Variants in NPSR1 observed in about 807,000 individuals in gnomAD.
NPSR1 encodes the protein neuropeptide S receptor 1, also known as neuropeptide S receptor.
Under a neutral mutation model 46.9 loss-of-function variants are expected in NPSR1, and 48 were observed. The ratio of observed to expected loss-of-function variants is 1.02; its 90% CI spans 0.81 to 1.30. The LOEUF is 1.30. Among genes scored for constraint, NPSR1 ranks in the 50% most tolerant of loss-of-function variants. The pLI, the probability that NPSR1 is intolerant of heterozygous loss-of-function variation, is 0.00. For missense variants in NPSR1, 450 were observed against 449.5 expected (o/e 1.00, Z -0.01); for synonymous variants, 176 against 168.1 (o/e 1.05, Z -0.36).
chr7:34,853,227 G>A (rs1416040699), downstream of NPSR1, among the ~76,000 whole-genome samples: 1 of 152,172 alleles, frequency 6.6e-6, no homozygotes, highest in Non-Finnish European at 1.5e-5. Flanking sequence ...ACAAGCCTGA[G>A]TCTGAGAGAA....
rs1218380620 is a variant in NPSR1, at chr7:34,870,898, GGATGAATGGATGGATGGATA to G, written c.1026-7173_1026-7154del. Among the ~76,000 whole-genome samples, 88 of 149,850 alleles carry G rather than the reference GGATGAATGGATGGATGGATA, an allele frequency of 5.9e-4. 5 individuals are homozygous for G. Among genetic ancestry groups the G allele is most frequent in the African/African-American group, 2.1e-3 (85 of 39,656 alleles). ...TGGATGGATGGATGGATGGATGGATGGATGAATGGATGGATGGATAGATGGATGGATGGATAGATGGATGG... is the reference window on the plus strand; with the variant it reads ...TGGATGGATGGATGGATGGATGGATGGATGGATGGATGGATAGATGGATGG... On this transcript the variant is annotated intron_variant, in intron 8 of 8. Transcript: ENST00000359791.
intron 3 of NPSR1, among the ~76,000 whole-genome samples, chr7:34,792,703 A>ATATATATTTATATATATG (rs1584036048): frequency 1.2e-4 from 11 of 88,564 alleles, no homozygotes; most frequent in African/African-American, 4.2e-4. Flanking sequence ...ATATATACGT[A>ATATATATTTATATATATG]TATATATATA....
At chr7:34,666,333 C>T (rs927179631) in intron 1 of NPSR1, among the ~76,000 whole-genome samples, 7 of 152,144 alleles carry the variant, frequency 4.6e-5, no homozygotes, top group African/African-American at 1.7e-4. Flanking sequence ...TAGTTTCAAC[C>T]TCCTCCTCAC....
rs150392419 is a variant in NPSR1 at position 34,733,203 on chromosome 7, C to T, written c.281-45259C>T. Among the ~76,000 whole-genome samples the T allele has an allele frequency of 1.4e-4, 21 of 152,064 alleles. 1 individual carries two copies. In the East Asian group the frequency reaches 4.1e-3, roughly 29 times the overall value. On this transcript the variant is annotated intron_variant, in intron 2 of 8. Transcript: ENST00000360581. Reference sequence around the variant, plus strand: ...TTGGGAAGCCACAGTGGGTGGATCACGAGGTCAGGAGTTCAAGACCAGCCT... The same window carrying T: ...TTGGGAAGCCACAGTGGGTGGATCATGAGGTCAGGAGTTCAAGACCAGCCT...
intron 1 of NPSR1, among the ~76,000 whole-genome samples, chr7:34,684,062 T>C (rs1792795560): frequency 6.9e-6 from 1 of 145,530 alleles, no homozygotes. Flanking sequence ...ATACCCAGTA[T>C]ATGATTTTAT....
At chr7:34,860,657 A>G (rs1480452777) in intron 8 of NPSR1, among the ~76,000 whole-genome samples, 2 of 152,064 alleles carry the variant, frequency 1.3e-5, no homozygotes, top group East Asian at 1.9e-4. Flanking sequence ...GTGGTCAGAA[A>G]AAAAGTATTT....
intron 8 of NPSR1, among the ~76,000 whole-genome samples, chr7:34,859,340 G>T: frequency 6.6e-6 from 1 of 151,556 alleles, no homozygotes; most frequent in East Asian, 1.9e-4. Flanking sequence ...TTTTGCTCCT[G>T]GTTTCCCACT....
chr7:34,733,317 G>A (rs1204681527), intron 2 of NPSR1, among the ~76,000 whole-genome samples: 3 of 151,958 alleles, frequency 2.0e-5, no homozygotes, highest in Non-Finnish European at 4.4e-5. Context: ...CTACTGGGAG[G>A]CTAAGGCAGG....
At chr7:34,764,964 GC>G (rs1786361706) in intron 2 of NPSR1, among the ~76,000 whole-genome samples, 1 of 152,140 alleles carries the variant, frequency 6.6e-6, no homozygotes, top group Admixed American at 6.5e-5. Flanking sequence ...ACAAGCAGTA[GC>G]AGTATTACAG....
At chr7:34,865,846 T>C (rs1381011021) in intron 8 of NPSR1, among the ~76,000 whole-genome samples, 1 of 151,702 alleles carries the variant, frequency 6.6e-6, no homozygotes, top group Non-Finnish European at 1.5e-5. Flanking sequence ...AGGGTCATTC[T>C]CAGCAGACAT....
At chr7:34,689,675 G>A (rs1330009454) in intron 2 of NPSR1, among the ~76,000 whole-genome samples, 2 of 149,906 alleles carry the variant, frequency 1.3e-5, no homozygotes, top group East Asian at 2.0e-4. Context: ...GGGCATGGTG[G>A]TTTATGCCTG....
chr7:34,689,085 G>C (rs905060981), intron 2 of NPSR1, among the ~76,000 whole-genome samples: 1 of 152,146 alleles, frequency 6.6e-6, no homozygotes, highest in East Asian at 1.9e-4. Flanking sequence ...GCCATTGGGA[G>C]AACTGTAGGA....
chr7:34,701,563 T>G (rs770162078), intron 2 of NPSR1, among the ~76,000 whole-genome samples: 6 of 152,218 alleles, frequency 3.9e-5, no homozygotes, highest in Non-Finnish European at 8.8e-5. Context: ...AAAATGAATA[T>G]GCCTTCTCTC....
intron 8 of NPSR1, among the ~76,000 whole-genome samples, chr7:34,867,786 C>G (rs532536505): frequency 4.6e-5 from 7 of 151,876 alleles, no homozygotes; most frequent in South Asian, 4.1e-4. Flanking sequence ...TGTGGCATTG[C>G]ACTCCCAGCC....
intron 1 of NPSR1, among the ~76,000 whole-genome samples, chr7:34,680,037 A>C (rs930259399): frequency 2.0e-5 from 3 of 152,180 alleles, no homozygotes; most frequent in African/African-American, 7.2e-5. Context: ...ATATTTACAA[A>C]GCTCACATGA....
chr7:34,778,369 C>T (rs1478417974), intron 2 of NPSR1, 93 bp from the exon 3 acceptor site: 4 of 690,072 alleles, frequency 5.8e-6, no homozygotes, highest in South Asian at 2.1e-5. Context: ...ATGAACCTCC[C>T]CAGGATTTCA....
chr7:34,707,605 A>G (rs1794173740), intron 2 of NPSR1, among the ~76,000 whole-genome samples: 1 of 152,242 alleles, frequency 6.6e-6, no homozygotes. Flanking sequence ...AAGGACCCAC[A>G]GTGGATTTGA....
intron 2 of NPSR1, among the ~76,000 whole-genome samples, chr7:34,697,179 A>C (rs1446095983): frequency 6.6e-6 from 1 of 151,826 alleles, no homozygotes; most frequent in Admixed American, 6.6e-5. Context: ...TAAGTTTAAG[A>C]TTTTTTTCAT....
chr7:34,863,142 A>G (rs1034967084), intron 8 of NPSR1, among the ~76,000 whole-genome samples: 8 of 151,960 alleles, frequency 5.3e-5, no homozygotes, highest in Admixed American at 1.3e-4. Context: ...AAGATTCCCT[A>G]TTTAATAAAT....
Sources: gnomAD v4.1 joint callset for allele counts (sites outside exome capture counted in the v4.1 genomes callset) on GRCh38, gnomAD v4.1.1 for gene constraint, MANE v1.5 for transcripts, NCBI Gene and HGNC (gene_info 2026-07-23, HGNC 2026-07-21) for gene names.